CENPE: variants seen among roughly 807,000 people sequenced by gnomAD.
CENPE encodes the protein centromere protein E, also known as centromere-associated protein E.
CENPE carries 145 observed loss-of-function variants against 336.1 expected under a neutral mutation model. The ratio of observed to expected loss-of-function variants is 0.43; its 90% CI spans 0.38 to 0.50. CENPE has a LOEUF of 0.50. Among genes scored for constraint, CENPE ranks in the 20% least tolerant of loss-of-function variants. The pLI is 0.00. For synonymous variants in CENPE, 1,013 were observed against 984.8 expected, an observed-to-expected ratio of 1.03 and a Z score of -0.54; for missense variants, 2,719 against 3,023.3, an observed-to-expected ratio of 0.90 and a Z score of 2.36.
chr4:103,150,778 C>T (rs1278771861), intron 26 of CENPE, among the ~76,000 whole-genome samples: 2 of 152,078 alleles, frequency 1.3e-5, no homozygotes, highest in Non-Finnish European at 2.9e-5. Flanking sequence ...CCAATAACAC[C>T]TAACTTCTAT....
intron 8 of CENPE, among the ~76,000 whole-genome samples, chr4:103,188,374 T>C (rs1157771917): frequency 2.0e-5 from 3 of 152,174 alleles, no homozygotes; most frequent in Admixed American, 1.3e-4. Context: ...TATTCCAAAA[T>C]TGACCACATA....
At chr4:103,121,864 A>AT (rs961104262) in intron 43 of CENPE, among the ~76,000 whole-genome samples, 18 of 150,746 alleles carry the variant, frequency 1.2e-4, no homozygotes, top group South Asian at 4.2e-4. Context: ...CAAGTAAACC[A>AT]TTTTTTTTTC....
intron 24 of CENPE, among the ~76,000 whole-genome samples, chr4:103,157,821 T>G (rs1754085713): frequency 6.6e-6 from 1 of 151,950 alleles, no homozygotes; most frequent in African/African-American, 2.4e-5. Context: ...AGTCTCCTAT[T>G]GAATATTTTA....
At chr4:103,162,574 A>ATT (rs34476047) in intron 18 of CENPE, among the ~76,000 whole-genome samples, 11 of 145,910 alleles carry the variant, frequency 7.5e-5, no homozygotes, top group Non-Finnish European at 1.5e-4. Context: ...AATTTTACTG[A>ATT]TTTTTTTTTT....
At chr4:103,134,840 A>G (rs1308987011) in intron 40 of CENPE, among the ~76,000 whole-genome samples, 4 of 152,112 alleles carry the variant, frequency 2.6e-5, no homozygotes, top group African/African-American at 4.8e-5. Context: ...TTATTCCTCA[A>G]CTTCCACCAT....
intron 11 of CENPE, 22 bp from the exon 12 acceptor site, chr4:103,181,478 G>A (rs923856878): frequency 6.5e-7 from 1 of 1,545,388 alleles, no homozygotes. Context: ...ATACGAAAGT[G>A]CTAAGTGTTC....
At chr4:103,183,066 G>A in intron 10 of CENPE, 135 bp downstream of exon 10, 1 of 870,224 alleles carries the variant, frequency 1.1e-6, no homozygotes, top group South Asian at 1.9e-5. Flanking sequence ...AAATTCAGTA[G>A]ATTATAATCA....
At chr4:103,133,977 G>T (rs902234308) in intron 40 of CENPE, 85 bp from the exon 41 acceptor site, 2 of 806,352 alleles carry the variant, frequency 2.5e-6, no homozygotes, top group Non-Finnish European at 4.1e-6. Context: ...TATGAGGTAG[G>T]ATGACATCTC....
intron 13 of CENPE, 141 bp from the exon 14 acceptor site, chr4:103,177,187 G>T: frequency 1.6e-6 from 1 of 615,418 alleles, no homozygotes. Flanking sequence ...TTAGTCTAAG[G>T]ATATTGCTTA....
chr4:103,179,759 T>C (rs1257384328), intron 13 of CENPE, among the ~76,000 whole-genome samples: 1 of 152,124 alleles, frequency 6.6e-6, no homozygotes, highest in East Asian at 1.9e-4. Flanking sequence ...AAATGACAGA[T>C]TCAAATCCAG....
At chr4:103,173,096 C>T (rs1755548390) in intron 16 of CENPE, among the ~76,000 whole-genome samples, 1 of 152,036 alleles carries the variant, frequency 6.6e-6, no homozygotes, top group Non-Finnish European at 1.5e-5. Context: ...ATCATACCAT[C>T]TGCCTCCAAA....
In CENPE at chr4:103,163,223, C is replaced by A; in HGVS notation, c.1756G>T (p.Glu586Ter). 1 of 1,608,438 alleles carries A rather than the reference C, an allele frequency of 6.2e-7. No homozygotes were observed. Among genetic ancestry groups the A allele is most frequent in the Non-Finnish European group, 8.5e-7 (1 of 1,175,990 alleles). ...ELSSKVELLR[E>*]KEDQIKKLQE... ...AGCTTCTTAATCTGGTCTTCCTTTT[C>A]TCTAAGCAGCTCTACTTTTGAACTG... The change falls in exon 18 of 49, where the codon GAA (glutamate) becomes TAA (stop). Residue 586 changes from glutamate to a stop codon, truncating the protein, a stop_gained. Transcript: ENST00000265148. LOFTEE classifies it high-confidence loss of function.
intron 46 of CENPE, among the ~76,000 whole-genome samples, chr4:103,112,049 C>T (rs547434605): frequency 6.6e-6 from 1 of 151,538 alleles, no homozygotes; most frequent in South Asian, 2.1e-4. Context: ...ATTACATGAG[C>T]TCTAAAAATT....
At chr4:103,193,902 A>G (rs1215864334) in intron 8 of CENPE, among the ~76,000 whole-genome samples, 2 of 152,200 alleles carry the variant, frequency 1.3e-5, no homozygotes, top group East Asian at 3.9e-4. Flanking sequence ...TCAAATTCTA[A>G]GATGATCTAA....
chr4:103,173,090 T>C (rs1253602500), intron 16 of CENPE, among the ~76,000 whole-genome samples: 1 of 151,930 alleles, frequency 6.6e-6, no homozygotes, highest in African/African-American at 2.4e-5. Context: ...GGAGGCATCA[T>C]ACCATCTGCC....
At chr4:103,121,933 G>T (rs1475179660) in intron 43 of CENPE, among the ~76,000 whole-genome samples, 1 of 151,780 alleles carries the variant, frequency 6.6e-6, no homozygotes, top group Non-Finnish European at 1.5e-5. Context: ...TACTTAATTG[G>T]GTATATTTCT....
chr4:103,158,058 A>G (rs957780228), intron 24 of CENPE, among the ~76,000 whole-genome samples: 7 of 151,912 alleles, frequency 4.6e-5, no homozygotes, highest in Admixed American at 2.0e-4. Flanking sequence ...TTGACATAAA[A>G]TAAGTATCAG....
chr4:103,173,392 A>T (rs1453172929), intron 16 of CENPE, among the ~76,000 whole-genome samples: 1 of 152,076 alleles, frequency 6.6e-6, no homozygotes, highest in East Asian at 1.9e-4. Flanking sequence ...CTAAGACTTG[A>T]AACTATGAAA....
At chr4:103,127,821 TA>T (rs1284127729) in intron 42 of CENPE, among the ~76,000 whole-genome samples, 1 of 151,998 alleles carries the variant, frequency 6.6e-6, no homozygotes, top group Non-Finnish European at 1.5e-5. Flanking sequence ...TAAAATAATT[TA>T]AATCATAAAA....
Sources: allele counts gnomAD v4.1 joint callset (sites outside exome capture counted in the v4.1 genomes callset), GRCh38; gene constraint gnomAD v4.1.1; transcripts MANE v1.5; gene names NCBI Gene and HGNC (gene_info 2026-07-23, HGNC 2026-07-21).